The following UGT1A3 variants were observed in gnomAD, a reference collection of about 807,000 sequenced individuals.
The protein encoded by UGT1A3 is UDP-glucuronosyltransferase 1A3.
Under a neutral mutation model 41.0 loss-of-function variants are expected in UGT1A3, and 31 were observed. That is an observed-to-expected ratio of 0.76 (90% CI 0.57 to 1.02). The LOEUF (loss-of-function observed/expected upper bound fraction) is 1.02, where lower values mean the gene tolerates loss of function less well. Among genes scored for constraint, UGT1A3 ranks in the 50% least tolerant of loss-of-function variants. The probability of loss-of-function intolerance (pLI) is 0.00; values close to 1 mark genes in which losing one functional copy is unlikely to be tolerated. For missense variants in UGT1A3, 737 were observed against 671.0 expected (o/e 1.10, Z -1.09); for synonymous variants, 262 against 257.6 (o/e 1.02, Z -0.17).
chr2:233,772,868 T>C lies in UGT1A3; in HGVS notation c.*309T>C, dbSNP rs982401399. ...TTCTTACTCTGAAACATGGCCTGTT[T>C]GGGAGTGCGGGATTCAAAGGTGGTC... is the stretch of plus-strand genomic sequence containing the variant. On this transcript the variant is annotated 3_prime_UTR_variant, in exon 5 of 5. Coordinates refer to ENST00000482026, the MANE Select transcript of UGT1A3 (RefSeq NM_019093.4). 2 of 641,930 alleles carry C rather than the reference T, an allele frequency of 3.1e-6. No individual in the cohort carries two copies. The highest frequency in any genetic ancestry group is 3.7e-5 in the African/African-American group (2 of 53,644). 39.8% of individuals were successfully genotyped at this position (641,930 alleles called of 1,614,324 possible).
Position 233,769,784 on chromosome 2 carries a change from G to A in UGT1A3, c.1307+1345G>A. 3 of 1,312,290 alleles carry A rather than the reference G, an allele frequency of 2.3e-6. No individual in the cohort carries two copies. The highest frequency in any genetic ancestry group is 3.0e-6 in the Non-Finnish European group (3 of 1,000,230). 81.3% of individuals were successfully genotyped at this position (1,312,290 alleles called of 1,614,324 possible). The stretch of plus-strand genomic sequence containing the variant: ...GCGGGAGGATTGCTTGAGCCCAGAA[G>A]TTGGAGGCTGCTATGAGCCGTGATC... On this transcript the variant is annotated intron_variant, in intron 4 of 4. Coordinates refer to ENST00000482026, the MANE Select transcript of UGT1A3 (RefSeq NM_019093.4). This position sits in a 1 kb window ranked among gnomAD's most constrained non-coding sequence, Gnocchi z 4.4.
intron 1 of UGT1A3, chr2:233,753,671 C>T (rs1245281633): frequency 2.0e-5 from 3 of 152,212 alleles, no homozygotes; most frequent in Admixed American, 6.5e-5. Flanking sequence ...GTGTATGGTG[C>T]CTCACCCAAA....
At chr2:233,760,403 A>T (rs2125983562) in intron 1 of UGT1A3, 1 of 1,614,240 alleles carries the variant, frequency 6.2e-7, no homozygotes, top group Non-Finnish European at 8.5e-7. Flanking sequence ...GATGGCAGCC[A>T]CTGGCTGAGC....
At chr2:233,771,399 T>G (rs972051776) in intron 4 of UGT1A3, 1 of 152,180 alleles carries the variant, frequency 6.6e-6, no homozygotes, top group East Asian at 1.9e-4. Flanking sequence ...GATTGGGCAA[T>G]GAACACTGTC....
At position 233,769,465 on chromosome 2, in the gene UGT1A3, G is replaced by C. The variant is rs34036745; in HGVS notation, c.1307+1026G>C. On this transcript the variant is annotated intron_variant, in intron 4 of 4. Coordinates refer to ENST00000482026, the MANE Select transcript of UGT1A3 (RefSeq NM_019093.4). This position sits in a 1 kb window ranked among gnomAD's most constrained non-coding sequence, Gnocchi z 4.4. The stretch of plus-strand genomic sequence containing the variant: ...GGTGCACACGTGTGCATTCATATGC[G>C]TGTGTGTGTGTGTGCGTGTGTTTAT... The C allele has an allele frequency of 4.2e-4, 555 of 1,316,536 alleles. 2 individuals are homozygous for C. The African/African-American group carries it at 7.4e-3, about 18-fold the overall frequency. 81.6% of individuals were successfully genotyped at this position (1,316,536 alleles called of 1,614,324 possible). A position where few individuals can be genotyped will look rare whatever the true frequency, so the allele number is the denominator to read the frequency against.
intron 4 of UGT1A3, among the ~76,000 whole-genome samples, chr2:233,768,946 C>T (rs1699761608): frequency 6.6e-6 from 1 of 152,058 alleles, no homozygotes. Context: ...TCTTTAGTTT[C>T]TATATAATTT....
intron 1 of UGT1A3, chr2:233,752,621 T>G (rs1428833052): frequency 6.6e-6 from 1 of 152,162 alleles, no homozygotes; most frequent in African/African-American, 2.4e-5. Flanking sequence ...TAGCTAGGTG[T>G]GGTAGCTGTT....
In UGT1A3 at chr2:233,768,702, G is replaced by A. The variant is rs573948432; in HGVS notation, c.1307+263G>A. On this transcript the variant is annotated intron_variant, in intron 4 of 4. Coordinates refer to ENST00000482026, the MANE Select transcript of UGT1A3 (RefSeq NM_019093.4). Reference sequence around the variant, plus strand: ...CCCACGTTCAAGCAGTTCTGCCTCAGCCTCCGTGTAGCTGGGATTACAGGT... The same window carrying A: ...CCCACGTTCAAGCAGTTCTGCCTCAACCTCCGTGTAGCTGGGATTACAGGT... 1.1e-4 allele frequency among the ~76,000 whole-genome samples: 17 copies of A among 148,464 alleles called. No homozygotes were observed. In the East Asian group the frequency reaches 3.4e-3, roughly 30 times the overall value.
intron 1 of UGT1A3, among the ~76,000 whole-genome samples, chr2:233,749,711 T>C (rs748201511): frequency 2.6e-5 from 4 of 151,836 alleles, no homozygotes; most frequent in African/African-American, 4.9e-5. Flanking sequence ...GATTGGATCA[T>C]GGGGGCAGTT....
intron 1 of UGT1A3, chr2:233,750,478 T>A (rs1694468358): frequency 1.3e-5 from 2 of 151,902 alleles, no homozygotes. Context: ...GCTATAGAAA[T>A]TTGCATAAGT....
rs1270909103 is a variant in UGT1A3, at chr2:233,767,175, T to G, written c.999+10T>G. On this transcript the variant is annotated intron_variant, in intron 2 of 4. Transcript: ENST00000482026. Reference sequence around the variant, plus strand: ...CAAAATCCCTCAGACAGTAAGAAGATTCTATACCATGGCCTCATATCTATT... The same window carrying G: ...CAAAATCCCTCAGACAGTAAGAAGAGTCTATACCATGGCCTCATATCTATT... The G allele has an allele frequency of 1.4e-5, 22 of 1,613,924 alleles. No individual in the cohort carries two copies. The highest frequency in any genetic ancestry group is 1.9e-5 in the Non-Finnish European group (22 of 1,180,010).
chr2:233,745,665 C>T (rs932654407), intron 1 of UGT1A3, among the ~76,000 whole-genome samples: 2 of 150,144 alleles, frequency 1.3e-5, no homozygotes, highest in South Asian at 4.2e-4. Context: ...GTGAACAAAG[C>T]AATTTGGGAA....
intron 1 of UGT1A3, chr2:233,747,357 C>A (rs115834808): frequency 9.4e-6 from 15 of 1,602,522 alleles, no homozygotes; most frequent in East Asian, 2.2e-5. Context: ...GGAGGCCGTG[C>A]GGGAGCTCCA....
intron 1 of UGT1A3, among the ~76,000 whole-genome samples, chr2:233,745,638 C>T (rs530940349): frequency 4.6e-5 from 7 of 151,244 alleles, no homozygotes; most frequent in South Asian, 2.1e-4. Context: ...GAAAGCTGGC[C>T]GAGGGTAGAG....
In UGT1A3 at chr2:233,743,994, T is replaced by C. The variant is rs60469444; in HGVS notation, c.867+14001T>C. 7.2e-6 allele frequency: 9 copies of C among 1,253,056 alleles called. No individual in the cohort carries two copies. The East Asian group carries it at 2.0e-4, about 28-fold the overall frequency. 77.6% of individuals were successfully genotyped at this position (1,253,056 alleles called of 1,614,324 possible). On this transcript the variant is annotated intron_variant, in intron 1 of 4. Coordinates refer to ENST00000482026, the MANE Select transcript of UGT1A3 (RefSeq NM_019093.4). The stretch of plus-strand genomic sequence containing the variant: ...GCCAGCACCCAGGCGCAGGCCCGAG[T>C]GCTCGGAGACCTGGGCCGCCTGGAG...
At chr2:233,768,582 CTTTTTTTTT>C (rs139595073) in intron 4 of UGT1A3, 143 bp downstream of exon 4, 1,382 of 1,030,410 alleles carry the variant, frequency 1.3e-3, no homozygotes, top group Middle Eastern at 4.4e-3. Flanking sequence ...TTTATTTCTT[CTTTTTTTTT>C]TTTTTTTTTT....
chr2:233,761,161 G>A lies in UGT1A3; in HGVS notation c.868-5873G>A, dbSNP rs1276914496. ...AAATCCACTATCCCAGGTGTGTATT[G>A]GAGTGGGACTTTTACATGCGTATAT... is the stretch of plus-strand genomic sequence containing the variant. On this transcript the variant is annotated intron_variant, in intron 1 of 4. Transcript: ENST00000482026. The A allele has an allele frequency of 6.2e-7, 1 of 1,614,176 alleles. No homozygotes were observed. The highest frequency in any genetic ancestry group is 1.7e-5 in the Admixed American group (1 of 60,028).
Position 233,729,675 on chromosome 2 carries a change from G to A in UGT1A3, c.549G>A (p.Lys183=). ...LRNIPCDLDF[K]GTQCPNPSSY... is the part of the protein sequence containing the mutation. ...ACATTCCATGTGATTTAGACTTTAA[G>A]GGCACACAGTGTCCAAACCCTTCCT... is the stretch of plus-strand genomic sequence containing the variant. Residue 183 remains lysine, a synonymous_variant, in exon 1 of 5, where the codon AAG becomes AAA. Transcript: ENST00000482026. 6.2e-7 allele frequency: 1 copy of A among 1,613,858 alleles called. No individual in the cohort carries two copies. The highest frequency in any genetic ancestry group is 8.5e-7 in the Non-Finnish European group (1 of 1,179,842).
Position 233,729,388 on chromosome 2 carries a change from G to T in UGT1A3, c.262G>T (p.Glu88Ter). Residue 88 changes from glutamate to a stop codon, truncating the protein, a stop_gained, in exon 1 of 5, where the codon GAA becomes TAA. Transcript: ENST00000482026. LOFTEE classifies it high-confidence loss of function. The part of the protein sequence containing the change: ...TTYAISWTQD[E>*]FDRHVLGHTQ... Reference sequence around the variant, plus strand: ...CTATGCCATTTCGTGGACCCAGGATGAATTTGATCGCCATGTGCTGGGCCA... The same window carrying T: ...CTATGCCATTTCGTGGACCCAGGATTAATTTGATCGCCATGTGCTGGGCCA... The T allele has an allele frequency of 1.2e-6, 2 of 1,613,884 alleles. No individual in the cohort carries two copies. Among genetic ancestry groups the T allele is most frequent in the Non-Finnish European group, 1.7e-6 (2 of 1,179,820 alleles).
Sources: allele counts gnomAD v4.1 joint callset (sites outside exome capture counted in the v4.1 genomes callset), GRCh38; gene constraint gnomAD v4.1.1; non-coding constraint Gnocchi (gnomAD v3.1); transcripts MANE v1.5; gene names NCBI Gene and HGNC (gene_info 2026-07-23, HGNC 2026-07-21).